EYA4: variants seen among roughly 807,000 people sequenced by gnomAD.
EYA4 encodes protein phosphatase EYA4.
EYA4 carries 31 observed loss-of-function variants against 87.9 expected under a neutral mutation model. The ratio of observed to expected loss-of-function variants is 0.35; its 90% CI spans 0.27 to 0.48. The LOEUF is 0.48. Ranked by LOEUF, EYA4 falls within the 20% of genes least tolerant of loss-of-function variation. The pLI is 0.99. For synonymous variants in EYA4, 263 were observed against 270.6 expected, an observed-to-expected ratio of 0.97 and a Z score of 0.28; for missense variants, 678 against 761.4, an observed-to-expected ratio of 0.89 and a Z score of 1.29.
chr6:133,361,246 T>G (rs540723033), intron 2 of EYA4, among the ~76,000 whole-genome samples: 1 of 152,336 alleles, frequency 6.6e-6, no homozygotes, highest in South Asian at 2.1e-4. Context: ...AAAGCAGGCA[T>G]GCTTACTGTC....
chr6:133,381,075 C>A (rs200406605), intron 2 of EYA4, among the ~76,000 whole-genome samples: 2 of 96,840 alleles, frequency 2.1e-5, no homozygotes, highest in South Asian at 4.0e-4. Flanking sequence ...TTTTTTTTTT[C>A]TTTTTTTTTT....
At chr6:133,500,454 A>G (rs1798016241) in intron 13 of EYA4, among the ~76,000 whole-genome samples, 1 of 152,074 alleles carries the variant, frequency 6.6e-6, no homozygotes, top group South Asian at 2.1e-4. Flanking sequence ...CAACAGTTGA[A>G]TGTGGCCACA....
chr6:133,331,035 T>C (rs450881), intron 2 of EYA4, among the ~76,000 whole-genome samples: 62,349 of 145,438 alleles, frequency 0.43, 14,032 homozygotes, highest in Non-Finnish European at 0.52. Flanking sequence ...GGGTTTTTTT[T>C]TTTTTTTTTT....
intron 2 of EYA4, among the ~76,000 whole-genome samples, chr6:133,320,168 A>C (rs1289034486): frequency 3.4e-5 from 5 of 146,266 alleles, no homozygotes; most frequent in African/African-American, 1.3e-4. Context: ...TTTTTTCCCA[A>C]CTTCTTGCTT....
In EYA4 at chr6:133,310,653, G is replaced by T. The variant is rs1339273433; in HGVS notation, c.33+35840G>T. Among the ~76,000 whole-genome samples, 3 of 152,166 alleles carry T rather than the reference G, an allele frequency of 2.0e-5. No homozygotes were observed. In the East Asian group the frequency reaches 5.8e-4, roughly 29 times the overall value. On this transcript the variant is annotated intron_variant, in intron 2 of 19. Coordinates refer to ENST00000355286, the MANE Select transcript of EYA4 (RefSeq NM_004100.5). ...TATTTCCATTGATTTCAAGACTTCA[G>T]TGACTAAAAGATATTTGGAGGAGTC...
At chr6:133,337,220 G>A (rs1782436169) in intron 2 of EYA4, among the ~76,000 whole-genome samples, 1 of 152,142 alleles carries the variant, frequency 6.6e-6, no homozygotes, top group Admixed American at 6.5e-5. Flanking sequence ...ACACAGAATG[G>A]ATGGCTGTGG....
At chr6:133,464,955 A>G (rs1406442622) in intron 10 of EYA4, 97 bp downstream of exon 10, 13 of 744,374 alleles carry the variant, frequency 1.7e-5, no homozygotes, top group Middle Eastern at 2.3e-4. Flanking sequence ...TCCCAGAATA[A>G]GGTTTCTTTA....
chr6:133,311,217 G>A (rs1375699074), intron 2 of EYA4, among the ~76,000 whole-genome samples: 1 of 151,978 alleles, frequency 6.6e-6, no homozygotes, highest in African/African-American at 2.4e-5. Context: ...TCCCTCTCTG[G>A]ACCATGGTAG....
At chr6:133,250,547 C>A (rs2128229041) in intron 1 of EYA4, among the ~76,000 whole-genome samples, 1 of 152,152 alleles carries the variant, frequency 6.6e-6, no homozygotes, top group African/African-American at 2.4e-5. Flanking sequence ...GAGGCTGAGG[C>A]AGGAGAATCA....
At chr6:133,454,984 T>C (rs11154727) in intron 5 of EYA4, among the ~76,000 whole-genome samples, 27,250 of 152,060 alleles carry the variant, frequency 0.18, 2,714 homozygotes, top group East Asian at 0.32. Context: ...CTGGAACTTA[T>C]GCAGGCTTTT....
In EYA4 at chr6:133,411,254, G is replaced by C. The variant is rs367820679; in HGVS notation, c.83+28813G>C. 6.6e-5 allele frequency among the ~76,000 whole-genome samples: 10 copies of C among 152,250 alleles called. No homozygotes were observed. The South Asian group carries it at 1.9e-3, about 28-fold the overall frequency. ...ACACTGTGGGGGAAGGTTATGATGA[G>C]CAAGAGACTCCTTGTTCCCAGGCAG... On this transcript the variant is annotated intron_variant, in intron 3 of 19. Coordinates refer to ENST00000355286, the MANE Select transcript of EYA4 (RefSeq NM_004100.5).
intron 14 of EYA4, 39 bp from the exon 15 acceptor site, chr6:133,512,682 C>CA: frequency 1.3e-6 from 2 of 1,491,868 alleles, no homozygotes; most frequent in Non-Finnish European, 1.9e-6. Flanking sequence ...TAACAAGCAT[C>CA]ATTTAGAAAA....
At chr6:133,398,959 A>C (rs578004847) in intron 3 of EYA4, among the ~76,000 whole-genome samples, 1 of 152,338 alleles carries the variant, frequency 6.6e-6, no homozygotes, top group Non-Finnish European at 1.5e-5. Flanking sequence ...TGTGGACAAA[A>C]GTGAATTAAG....
intron 2 of EYA4, among the ~76,000 whole-genome samples, chr6:133,331,256 T>A (rs1382480316): frequency 6.6e-6 from 1 of 152,150 alleles, no homozygotes; most frequent in Non-Finnish European, 1.5e-5. Flanking sequence ...TCTAATGGAC[T>A]TTTAAAAATT....
intron 1 of EYA4, among the ~76,000 whole-genome samples, chr6:133,274,318 T>C (rs1442919484): frequency 1.3e-5 from 2 of 152,216 alleles, no homozygotes; most frequent in East Asian, 3.8e-4. Flanking sequence ...CATATTAAAA[T>C]GCACACTTAC....
intron 2 of EYA4, among the ~76,000 whole-genome samples, chr6:133,336,744 A>T (rs1439228596): frequency 6.6e-6 from 1 of 152,234 alleles, no homozygotes; most frequent in Non-Finnish European, 1.5e-5. Context: ...CTTATTTCCA[A>T]ACGATTTAAA....
intron 3 of EYA4, among the ~76,000 whole-genome samples, chr6:133,431,962 T>C (rs1791221825): frequency 6.6e-6 from 1 of 151,986 alleles, no homozygotes; most frequent in Admixed American, 6.6e-5. Context: ...TTTTTTTTTT[T>C]TTGCCAATAT....
In EYA4 at chr6:133,530,013, A is replaced by G. The variant is rs1800916975; in HGVS notation, c.*1208A>G. The stretch of plus-strand genomic sequence containing the variant: ...CACAGGGCTTAAAATAAAGCTAAGT[A>G]TGTTTATTCCCAATGCCATGGCAAA... On this transcript the variant is annotated 3_prime_UTR_variant, in exon 20 of 20. Coordinates refer to ENST00000355286, the MANE Select transcript of EYA4 (RefSeq NM_004100.5). 9.1e-6 allele frequency: 9 copies of G among 985,366 alleles called. No homozygotes were observed. In the South Asian group the frequency reaches 3.8e-4, roughly 41 times the overall value. The allele number at this position is 985,366 out of a possible 1,614,324, so 61.0% of individuals were successfully genotyped here. A position where few individuals can be genotyped will look rare whatever the true frequency, so the allele number is the denominator to read the frequency against.
intron 2 of EYA4, among the ~76,000 whole-genome samples, chr6:133,289,446 TCAGTTTTCTTTTAG>T (rs1241452436): frequency 6.6e-6 from 1 of 152,198 alleles, no homozygotes; most frequent in Non-Finnish European, 1.5e-5. Context: ...TGAGACATAC[TCAGTTTTCTTTTAG>T]CAAAATATCT....
Sources: allele counts gnomAD v4.1 joint callset (sites outside exome capture counted in the v4.1 genomes callset), GRCh38; gene constraint gnomAD v4.1.1; transcripts MANE v1.5; gene names NCBI Gene and HGNC (gene_info 2026-07-23, HGNC 2026-07-21).